ITGA1: variants seen among roughly 807,000 people sequenced by gnomAD.
The protein encoded by ITGA1 is integrin alpha-1.
Under a neutral mutation model 145.9 loss-of-function variants are expected in ITGA1, and 85 were observed. The ratio of observed to expected loss-of-function variants is 0.58; its 90% CI spans 0.49 to 0.70. The LOEUF (loss-of-function observed/expected upper bound fraction) is 0.70. ITGA1 is among the 30% of genes least tolerant of loss of function. The pLI, the probability that ITGA1 is intolerant of heterozygous loss-of-function variation, is 0.00. For synonymous variants in ITGA1, 520 were observed against 495.3 expected (o/e 1.05, Z -0.66); for missense variants, 1,351 against 1,418.7 (o/e 0.95, Z 0.77).
At chr5:52,938,879 A>G (rs1751010864) in intron 24 of ITGA1, among the ~76,000 whole-genome samples, 2 of 151,832 alleles carry the variant, frequency 1.3e-5, no homozygotes, top group South Asian at 4.2e-4. Flanking sequence ...ATGAGCCATA[A>G]TATTGAACAA....
At chr5:52,923,960 C>G (rs1162409332) in intron 18 of ITGA1, among the ~76,000 whole-genome samples, 1 of 152,104 alleles carries the variant, frequency 6.6e-6, no homozygotes, top group Admixed American at 6.5e-5. Context: ...TACAGCTGCT[C>G]TGAGAATAGA....
rs375511596 is a variant in ITGA1, at chr5:52,905,927, C to A, written c.1455+19C>A. 3.2e-5 allele frequency: 52 copies of A among 1,601,438 alleles called. No individual in the cohort carries two copies. The African/African-American group carries it at 4.4e-4, about 14-fold the overall frequency. Reference sequence around the variant, plus strand: ...AGAACAGGTAAACTTGAAAAATATTCTTTTATTTAAATTAATCTATTCATA... The same window carrying A: ...AGAACAGGTAAACTTGAAAAATATTATTTTATTTAAATTAATCTATTCATA... On this transcript the variant is annotated intron_variant, in intron 12 of 28. Transcript: ENST00000282588.
At chr5:52,924,756 G>A (rs1416774728) in intron 18 of ITGA1, among the ~76,000 whole-genome samples, 2 of 152,148 alleles carry the variant, frequency 1.3e-5, no homozygotes, top group Non-Finnish European at 2.9e-5. Flanking sequence ...GAAAGGATTG[G>A]AGAGATATTT....
rs898910375 is a variant in ITGA1 at position 52,803,883 on chromosome 5, G to A, written c.61+15469G>A. ...GCAATAGGTTATTCTTCCTGTGCTG[G>A]TAAATCTCTGGCAGGGGTCCCCAGT... On this transcript the variant is annotated intron_variant, in intron 1 of 28. Transcript: ENST00000282588. 6 of 152,116 alleles carry A rather than the reference G, an allele frequency of 3.9e-5. No individual in the cohort carries two copies. The East Asian group carries it at 1.2e-3, about 29-fold the overall frequency. The allele number at this position is 152,116 out of a possible 1,614,324, so 9.4% of individuals were successfully genotyped here.
intron 27 of ITGA1, 98 bp downstream of exon 27, chr5:52,945,133 G>T (rs1202114387): frequency 1.1e-5 from 9 of 840,100 alleles, no homozygotes; most frequent in Non-Finnish European, 1.8e-5. Flanking sequence ...GCAGTGACTG[G>T]TATTGCTCTC....
In ITGA1 at chr5:52,944,990, T is replaced by A; in HGVS notation, c.3333T>A (p.Ser1111Arg). The A allele has an allele frequency of 1.2e-6, 2 of 1,613,384 alleles. No homozygotes were observed. Among genetic ancestry groups the A allele is most frequent in the Non-Finnish European group, 1.7e-6 (2 of 1,179,718 alleles). ...TTACTATAAGGGGAGAACTTCGGAGTGAAAATGCATCTCTGGTTTTAAGTA... is the reference window on the plus strand; with the variant it reads ...TTACTATAAGGGGAGAACTTCGGAGAGAAAATGCATCTCTGGTTTTAAGTA... The part of the protein sequence containing the change: ...LNLTIRGELR[S>R]ENASLVLSSS... The change falls in exon 27 of 29, where the codon AGT (serine) becomes AGA (arginine). Residue 1111 changes from serine to arginine, a missense_variant. Transcript: ENST00000282588.
chr5:52,918,555 C>G (rs544677306), intron 15 of ITGA1, among the ~76,000 whole-genome samples, 177 bp from the exon 16 acceptor site: 1 of 152,254 alleles, frequency 6.6e-6, no homozygotes, highest in South Asian at 2.1e-4. Context: ...ACCTACATGT[C>G]TTAGAACATC....
At position 52,893,699 on chromosome 5, in the gene ITGA1, A is replaced by G. The variant is rs1198904913; in HGVS notation, c.949A>G (p.Asn317Asp). The change falls in exon 9 of 29, where the codon AAT (asparagine) becomes GAT (aspartate). Residue 317 changes from asparagine to aspartate, a missense_variant. Physicochemically the swap from Asn to Asp is conservative, Grantham distance 23 (BLOSUM62 1). Coordinates refer to ENST00000282588, the MANE Select transcript of ITGA1 (RefSeq NM_181501.2). ...GATTCTTGGCAGCTATAACCGAGGAAATTTAAGCACTGAAAAATTTGTGGA... is the reference window on the plus strand; with the variant it reads ...GATTCTTGGCAGCTATAACCGAGGAGATTTAAGCACTGAAAAATTTGTGGA... Reference protein sequence around the residue: ...IAILGSYNRGNLSTEKFVEEI... With the variant: ...IAILGSYNRGDLSTEKFVEEI... 1.9e-6 allele frequency: 3 copies of G among 1,612,850 alleles called. No individual in the cohort carries two copies. The highest frequency in any genetic ancestry group is 2.5e-6 in the Non-Finnish European group (3 of 1,179,256).
chr5:52,854,600 G>A (rs545116190), intron 2 of ITGA1, among the ~76,000 whole-genome samples: 6 of 152,240 alleles, frequency 3.9e-5, no homozygotes, highest in African/African-American at 9.6e-5. Context: ...CTTGAACTAT[G>A]TATTAGACAT....
At chr5:52,800,136 T>C in intron 1 of ITGA1, 1 of 497,770 alleles carries the variant, frequency 2.0e-6, no homozygotes, top group East Asian at 3.8e-5. Flanking sequence ...GCGGGAACTG[T>C]GTAGGGGTAG....
intron 26 of ITGA1, 102 bp from the exon 27 acceptor site, chr5:52,944,841 T>TC: frequency 1.3e-6 from 1 of 773,826 alleles, no homozygotes; most frequent in Non-Finnish European, 2.1e-6. Flanking sequence ...ATTTTTAATC[T>TC]CTCAGAAAAA....
chr5:52,909,026 G>A lies in ITGA1; in HGVS notation c.1584G>A (p.Val528=). 6.2e-7 allele frequency: 1 copy of A among 1,613,684 alleles called. No homozygotes were observed. Among genetic ancestry groups the A allele is most frequent in the Non-Finnish European group, 8.5e-7 (1 of 1,179,768 alleles). Residue 528 remains valine, a synonymous_variant, in exon 13 of 29, where the codon GTG becomes GTA. Transcript: ENST00000282588. ...TEKEEQGKVY[V]YALNQTRFEY... ...AGGAGGAGCAAGGAAAAGTGTATGTGTATGCTCTCAATCAGGTAATGGTGT... is the reference window on the plus strand; with the variant it reads ...AGGAGGAGCAAGGAAAAGTGTATGTATATGCTCTCAATCAGGTAATGGTGT...
Position 52,955,390 on chromosome 5 carries a change from T to C in ITGA1, c.*2939T>C, listed in dbSNP as rs1400229569. The C allele has an allele frequency of 7.3e-6, 1 of 137,862 alleles. No individual in the cohort carries two copies. Among genetic ancestry groups the C allele is most frequent in the Non-Finnish European group, 1.6e-5 (1 of 63,478 alleles). 8.5% of individuals were successfully genotyped at this position (137,862 alleles called of 1,614,324 possible). On this transcript the variant is annotated 3_prime_UTR_variant, in exon 29 of 29. Transcript: ENST00000282588. ...ATAGATAGATAGATAGATAGATAGATAGATATTGATAGAGAACATGTTGTG... is the reference window on the plus strand; with the variant it reads ...ATAGATAGATAGATAGATAGATAGACAGATATTGATAGAGAACATGTTGTG...
At chr5:52,924,760 G>GAT (rs1750777735) in intron 18 of ITGA1, among the ~76,000 whole-genome samples, 1 of 152,128 alleles carries the variant, frequency 6.6e-6, no homozygotes, top group Non-Finnish European at 1.5e-5. Flanking sequence ...GGATTGGAGA[G>GAT]ATATTTAGAA....
chr5:52,814,321 A>G (rs1748731259), intron 1 of ITGA1, among the ~76,000 whole-genome samples: 1 of 152,088 alleles, frequency 6.6e-6, no homozygotes, highest in Non-Finnish European at 1.5e-5. Context: ...TAATTTTTGT[A>G]TAGGCGGGTT....
chr5:52,943,899 T>G (rs1751088898), intron 26 of ITGA1, among the ~76,000 whole-genome samples: 1 of 152,072 alleles, frequency 6.6e-6, no homozygotes, highest in Non-Finnish European at 1.5e-5. Context: ...CTTTGGAGGA[T>G]CCAAAGTCCT....
At chr5:52,809,832 T>A (rs1002594405) in intron 1 of ITGA1, among the ~76,000 whole-genome samples, 2 of 152,166 alleles carry the variant, frequency 1.3e-5, no homozygotes, top group African/African-American at 2.4e-5. Context: ...ATTTTTCTTC[T>A]ACAGAGTGGT....
chr5:52,815,019 C>T (rs1748743217), intron 1 of ITGA1, among the ~76,000 whole-genome samples: 1 of 152,172 alleles, frequency 6.6e-6, no homozygotes, highest in African/African-American at 2.4e-5. Context: ...TGATGATGTA[C>T]TTCCCCACTC....
chr5:52,860,011 AAGTG>A (rs1237041430), intron 2 of ITGA1, among the ~76,000 whole-genome samples: 4 of 152,124 alleles, frequency 2.6e-5, no homozygotes, highest in Admixed American at 6.5e-5. Context: ...AACTCCCATT[AAGTG>A]AGGGCTCCCA....
Sources: gnomAD v4.1 joint callset for allele counts (sites outside exome capture counted in the v4.1 genomes callset) on GRCh38, gnomAD v4.1.1 for gene constraint, MANE v1.5 for transcripts, NCBI Gene and HGNC (gene_info 2026-07-23, HGNC 2026-07-21) for gene names.